The following TTC6 variants were observed in gnomAD, a reference collection of about 807,000 sequenced individuals.
TTC6 encodes tetratricopeptide repeat domain 6.
Under a neutral mutation model 210.4 loss-of-function variants are expected in TTC6, and 172 were observed. The observed-to-expected ratio is 0.82, with a 90% CI of 0.72 to 0.93. TTC6 has a LOEUF of 0.93. Ranked by LOEUF, TTC6 falls within the 40% of genes least tolerant of loss-of-function variation. The probability of loss-of-function intolerance (pLI) is 0.00; values close to 1 mark genes in which losing one functional copy is unlikely to be tolerated. For missense variants in TTC6, 2,414 were observed against 2,318.1 expected, an observed-to-expected ratio of 1.04 and a Z score of -0.85; for synonymous variants, 804 against 819.6, an observed-to-expected ratio of 0.98 and a Z score of 0.32.
At chr14:37,782,820 T>G (rs1012384991) in intron 14 of TTC6, among the ~76,000 whole-genome samples, 32 of 152,072 alleles carry the variant, frequency 2.1e-4, no homozygotes, top group African/African-American at 7.5e-4. Flanking sequence ...CTAATTTATT[T>G]AGCGTTTTTA....
At chr14:37,771,411 T>G (rs2096018230) in intron 14 of TTC6, among the ~76,000 whole-genome samples, 1 of 152,196 alleles carries the variant, frequency 6.6e-6, no homozygotes, top group Non-Finnish European at 1.5e-5. Flanking sequence ...TCCAACTTGG[T>G]TCCATTCTCC....
At chr14:37,611,032 C>G (rs940476072) in intron 2 of TTC6, among the ~76,000 whole-genome samples, 7 of 152,240 alleles carry the variant, frequency 4.6e-5, no homozygotes, top group Admixed American at 4.6e-4. Flanking sequence ...CCAAGAGGCT[C>G]TTCGGGAGCA....
In TTC6 at chr14:37,782,024, CTGTAGCCT is replaced by C. The variant is rs1395105884; in HGVS notation, c.3267-5438_3267-5431del. 2.6e-5 allele frequency among the ~76,000 whole-genome samples: 4 copies of C among 152,264 alleles called. No individual in the cohort carries two copies. In the East Asian group the frequency reaches 7.7e-4, roughly 29 times the overall value. ...TACCAGTACCATGCTGTTTTGGTTA[CTGTAGCCT>C]TGTAGTATAGTTTGAAGTCAGGTAG... On this transcript the variant is annotated intron_variant, in intron 14 of 30. Coordinates refer to ENST00000553443, the Ensembl canonical transcript of TTC6.
chr14:37,708,256 A>G (rs1301954744), intron 5 of TTC6, among the ~76,000 whole-genome samples: 1 of 152,038 alleles, frequency 6.6e-6, no homozygotes, highest in Non-Finnish European at 1.5e-5. Flanking sequence ...CTTACAAATC[A>G]AATGTATAAG....
chr14:37,740,126 G>A (rs1369692032), intron 10 of TTC6, among the ~76,000 whole-genome samples: 1 of 144,592 alleles, frequency 6.9e-6, no homozygotes, highest in Non-Finnish European at 1.5e-5. Context: ...ATGTGCCACT[G>A]CACTCCAGCC....
At chr14:37,796,249 GTTAATT>G in intron 18 of TTC6, 39 bp from the exon 21 acceptor site, 1 of 860,050 alleles carries the variant, frequency 1.2e-6, no homozygotes, top group Non-Finnish European at 1.8e-6. Flanking sequence ...ATTTTAGAAA[GTTAATT>G]TTTAGCTGCT....
At chr14:37,789,924 T>C (rs2096075708) in intron 15 of TTC6, among the ~76,000 whole-genome samples, 1 of 151,996 alleles carries the variant, frequency 6.6e-6, no homozygotes, top group Admixed American at 6.6e-5. Flanking sequence ...TAAGGCAGAA[T>C]GTCATGAGAA....
At chr14:37,734,917 T>C (rs2095897532) in intron 7 of TTC6, among the ~76,000 whole-genome samples, 1 of 152,182 alleles carries the variant, frequency 6.6e-6, no homozygotes, top group Non-Finnish European at 1.5e-5. Context: ...TTAAAAGCAT[T>C]CTTTTAAATA....
intron 14 of TTC6, among the ~76,000 whole-genome samples, chr14:37,786,769 T>G (rs1159242697): frequency 2.0e-5 from 3 of 152,218 alleles, no homozygotes; most frequent in Non-Finnish European, 4.4e-5. Context: ...TCTTGGAACC[T>G]CCCACTATTT....
intron 29 of TTC6, among the ~76,000 whole-genome samples, chr14:37,830,753 T>TC (rs1490706190): frequency 6.6e-6 from 1 of 151,720 alleles, no homozygotes; most frequent in Admixed American, 6.6e-5. Context: ...AAAATAGATT[T>TC]TTTTAAATGA....
chr14:37,643,347 AAAAC>A (rs756877840), intron 1 of TTC6, among the ~76,000 whole-genome samples: 3 of 152,118 alleles, frequency 2.0e-5, no homozygotes, highest in African/African-American at 4.8e-5. Context: ...AAATAAAACA[AAAAC>A]AAACAAAAAA....
At chr14:37,615,954 TC>T (rs2095642008) in intron 2 of TTC6, among the ~76,000 whole-genome samples, 1 of 152,254 alleles carries the variant, frequency 6.6e-6, no homozygotes, top group Non-Finnish European at 1.5e-5. Context: ...TTGGACTATA[TC>T]CTGGACATTG....
In TTC6 at chr14:37,777,770, G is replaced by GTT. The variant is rs71127243; in HGVS notation, c.3267-9680_3267-9679dup. Among the ~76,000 whole-genome samples the GTT allele has an allele frequency of 1.2e-4, 16 of 136,430 alleles. No homozygotes were observed. The South Asian group carries it at 1.7e-3, about 14-fold the overall frequency. The allele number at this position is 136,430 out of a possible 152,430, so 89.5% of individuals were successfully genotyped here. On this transcript the variant is annotated intron_variant, in intron 14 of 30. Transcript: ENST00000553443. ...TTTGAAATTTGTCTCCTTCGTGTAG[G>GTT]TTTTTTTTTTTTTTTTTTTGATGCT...
intron 1 of TTC6, among the ~76,000 whole-genome samples, chr14:37,657,045 A>G (rs1268402608): frequency 6.6e-6 from 1 of 151,990 alleles, no homozygotes; most frequent in Non-Finnish European, 1.5e-5. Flanking sequence ...CCCCGTCTCT[A>G]TTAAAAATAC....
At chr14:37,683,073 G>A in intron 3 of TTC6, 109 bp downstream of exon 5, 2 of 892,104 alleles carry the variant, frequency 2.2e-6, no homozygotes, top group Non-Finnish European at 3.4e-6. Context: ...GGGGGCGGGG[G>A]TGATGGTGTG....
chr14:37,753,595 G>A (rs1254559503), intron 14 of TTC6, among the ~76,000 whole-genome samples: 4 of 152,116 alleles, frequency 2.6e-5, no homozygotes, highest in African/African-American at 7.2e-5. Flanking sequence ...TAGAGATGGA[G>A]TCTCACACTA....
In TTC6 at chr14:37,666,224, C is replaced by T. The variant is rs777375269; in HGVS notation, c.940-13927C>T. Among the ~76,000 whole-genome samples the T allele has an allele frequency of 6.0e-5, 9 of 149,996 alleles. 1 individual carries two copies. Among genetic ancestry groups the T allele is most frequent in the Non-Finnish European group, 9.0e-5 (6 of 66,824 alleles). Reference sequence around the variant, plus strand: ...CTGTGGTCCTTCCAGCACCCTCCATCAGCCTTCACCTGACTGCAACATTCC... The same window carrying T: ...CTGTGGTCCTTCCAGCACCCTCCATTAGCCTTCACCTGACTGCAACATTCC... On this transcript the variant is annotated intron_variant, in intron 1 of 30. Coordinates refer to ENST00000553443, the Ensembl canonical transcript of TTC6.
intron 14 of TTC6, among the ~76,000 whole-genome samples, chr14:37,763,600 A>C (rs1355109560): frequency 6.6e-6 from 1 of 152,120 alleles, no homozygotes; most frequent in African/African-American, 2.4e-5. Context: ...GCAATTGTTC[A>C]TAGTATTCTT....
intron 16 of TTC6, among the ~76,000 whole-genome samples, chr14:37,791,559 C>A (rs919721581): frequency 1.3e-5 from 2 of 151,916 alleles, no homozygotes; most frequent in African/African-American, 4.8e-5. Context: ...AGCATGGCTC[C>A]CATAATGACC....
Sources: gnomAD v4.1 joint callset for allele counts (sites outside exome capture counted in the v4.1 genomes callset) on GRCh38, gnomAD v4.1.1 for gene constraint, MANE v1.5 for transcripts, NCBI Gene and HGNC (gene_info 2026-07-23, HGNC 2026-07-21) for gene names.